LPCAT1: variants seen among roughly 807,000 people sequenced by gnomAD.
The protein encoded by LPCAT1 is lysophosphatidylcholine acyltransferase 1.
LPCAT1 carries 23 observed loss-of-function variants against 60.9 expected under a neutral mutation model. The ratio of observed to expected loss-of-function variants is 0.38; its 90% CI spans 0.27 to 0.53. LPCAT1 has a LOEUF of 0.53. Among genes scored for constraint, LPCAT1 ranks in the 20% least tolerant of loss-of-function variants. The probability of loss-of-function intolerance (pLI) is 0.82; values close to 1 mark genes in which losing one functional copy is unlikely to be tolerated. For missense variants in LPCAT1, 622 were observed against 723.6 expected (o/e 0.86, Z 1.61); for synonymous variants, 340 against 301.1 (o/e 1.13, Z -1.34).
At chr5:1,488,516 G>A (rs1735453890) in intron 4 of LPCAT1, 65 bp from the exon 5 acceptor site, 1 of 1,085,224 alleles carries the variant, frequency 9.2e-7, no homozygotes, top group Non-Finnish European at 1.4e-6. Flanking sequence ...AGAACTTACA[G>A]AAGCCAATCT....
At chr5:1,475,598 G>A (rs1051113234) in intron 9 of LPCAT1, among the ~76,000 whole-genome samples, 5 of 152,236 alleles carry the variant, frequency 3.3e-5, no homozygotes, top group Admixed American at 2.0e-4. Flanking sequence ...GCCACCCTGG[G>A]GTGCCACCAT....
intron 7 of LPCAT1, 98 bp from the exon 8 acceptor site, chr5:1,479,773 A>G: frequency 4.3e-6 from 4 of 930,910 alleles, no homozygotes; most frequent in Non-Finnish European, 6.8e-6. Flanking sequence ...CGCGCCCTCC[A>G]GAGGGCGCTA....
intron 1 of LPCAT1, among the ~76,000 whole-genome samples, chr5:1,506,144 C>T (rs1379481456): frequency 1.3e-5 from 2 of 152,180 alleles, no homozygotes; most frequent in Admixed American, 6.5e-5. Flanking sequence ...CCCCAGGCCT[C>T]CAGCAGATGG....
intron 2 of LPCAT1, among the ~76,000 whole-genome samples, chr5:1,499,490 T>G (rs1046945281): frequency 6.6e-6 from 1 of 152,264 alleles, no homozygotes; most frequent in Admixed American, 6.5e-5. Flanking sequence ...CTTGATTTAC[T>G]TTGCTTGGTT....
At chr5:1,511,486 T>C (rs1736355624) in intron 1 of LPCAT1, among the ~76,000 whole-genome samples, 1 of 148,518 alleles carries the variant, frequency 6.7e-6, no homozygotes, top group Admixed American at 6.7e-5. Context: ...TACTTGGGGA[T>C]GCACCTGCTC....
chr5:1,514,389 T>C (rs1473576445), intron 1 of LPCAT1, among the ~76,000 whole-genome samples: 3 of 152,212 alleles, frequency 2.0e-5, no homozygotes, highest in Admixed American at 6.5e-5. Flanking sequence ...AGCAGAGCCA[T>C]GCCAAACGCT....
At chr5:1,516,837 A>G (rs951909171) in intron 1 of LPCAT1, among the ~76,000 whole-genome samples, 1 of 152,186 alleles carries the variant, frequency 6.6e-6, no homozygotes, top group Non-Finnish European at 1.5e-5. Context: ...GCCACCAGTC[A>G]CAGCAGAGGA....
At chr5:1,482,428 G>A (rs1021775746) in intron 6 of LPCAT1, among the ~76,000 whole-genome samples, 1 of 94,368 alleles carries the variant, frequency 1.1e-5, no homozygotes, top group African/African-American at 4.6e-5. Context: ...GTGGGGCTGC[G>A]GCCAGGGGCA....
In LPCAT1 at chr5:1,496,499, G is replaced by A. The variant is rs1042158127; in HGVS notation, c.279-1585C>T. Among the ~76,000 whole-genome samples, 3 of 152,098 alleles carry A rather than the reference G, an allele frequency of 2.0e-5. No homozygotes were observed. The highest frequency in any genetic ancestry group is 7.2e-5 in the African/African-American group (3 of 41,414). On this transcript the variant is annotated intron_variant, in intron 2 of 13. Coordinates refer to ENST00000283415, the MANE Select transcript of LPCAT1 (RefSeq NM_024830.5). The surrounding 1 kb of genome is among the most constrained non-coding windows in gnomAD (Gnocchi z 4.7). ...ATGGAAGAAACAAGGCAGCGGCGGA[G>A]GGAGAAGCGAGGCTGCAGAGGAGGC... is the stretch of plus-strand genomic sequence containing the variant.
At chr5:1,511,013 A>G (rs1241166414) in intron 1 of LPCAT1, among the ~76,000 whole-genome samples, 2 of 152,164 alleles carry the variant, frequency 1.3e-5, no homozygotes, top group Non-Finnish European at 2.9e-5. Flanking sequence ...ATGGGGGAGC[A>G]CACCTTCCTC....
At chr5:1,497,384 C>T (rs1031599365) in intron 2 of LPCAT1, among the ~76,000 whole-genome samples, 1 of 152,094 alleles carries the variant, frequency 6.6e-6, no homozygotes, top group African/African-American at 2.4e-5. Context: ...AGGCGCAGGC[C>T]CCGGCTCTGC....
rs186123350 is a variant in LPCAT1 at position 1,470,955 on chromosome 5, C to T, written c.1180-31G>A. On this transcript the variant is annotated intron_variant, in intron 11 of 13. Transcript: ENST00000283415. ...GGGAGAGACGCTCTCAGCCACAGCT[C>T]GGCCGCCTTCGGCACTGGAGAAACG... 3.0e-5 allele frequency: 47 copies of T among 1,589,642 alleles called. No individual in the cohort carries two copies. The Admixed American group carries it at 7.2e-4, about 24-fold the overall frequency.
At chr5:1,508,125 G>A (rs892616952) in intron 1 of LPCAT1, among the ~76,000 whole-genome samples, 5 of 152,090 alleles carry the variant, frequency 3.3e-5, no homozygotes, top group East Asian at 1.9e-4. Flanking sequence ...TGAGAAGTCC[G>A]TGTCTGCTGT....
At position 1,487,934 on chromosome 5, in the gene LPCAT1, C is replaced by T. The variant is rs531947491; in HGVS notation, c.667+457G>A. Among the ~76,000 whole-genome samples, 2 of 152,096 alleles carry T rather than the reference C, an allele frequency of 1.3e-5. No individual in the cohort carries two copies. Among genetic ancestry groups the T allele is most frequent in the South Asian group, 2.1e-4 (1 of 4,804 alleles). ...GACCCAAGTTCACACGCATTTGAGT[C>T]CCCCCTCCCCAGGGAGAAAGAACAC... On this transcript the variant is annotated intron_variant, in intron 5 of 13. Transcript: ENST00000283415. The surrounding 1 kb of genome is among the most constrained non-coding windows in gnomAD (Gnocchi z 6.1).
intron 1 of LPCAT1, among the ~76,000 whole-genome samples, chr5:1,504,208 T>A (rs1482700420): frequency 1.3e-5 from 2 of 152,266 alleles, no homozygotes; most frequent in African/African-American, 4.8e-5. Flanking sequence ...ATCCCACAAG[T>A]CTAAGGGGCA....
chr5:1,521,329 G>A lies in LPCAT1; in HGVS notation c.135+2381C>T. ...CCTCCCAGGCGGCAAATGCTCACAGGTAAATGCAGGTACTCACTGGTTTAT... is the reference window on the plus strand; with the variant it reads ...CCTCCCAGGCGGCAAATGCTCACAGATAAATGCAGGTACTCACTGGTTTAT... On this transcript the variant is annotated intron_variant, in intron 1 of 13. Coordinates refer to ENST00000283415, the MANE Select transcript of LPCAT1 (RefSeq NM_024830.5). The surrounding 1 kb of genome is among the most constrained non-coding windows in gnomAD (Gnocchi z 4.3). The A allele has an allele frequency of 2.0e-6, 2 of 985,442 alleles. No homozygotes were observed. The highest frequency in any genetic ancestry group is 2.4e-6 in the Non-Finnish European group (2 of 829,942). The allele number at this position is 985,442 out of a possible 1,614,324, so 61.0% of individuals were successfully genotyped here.
intron 5 of LPCAT1, 81 bp downstream of exon 5, chr5:1,488,310 C>T: frequency 1.1e-6 from 1 of 880,210 alleles, no homozygotes; most frequent in East Asian, 2.4e-5. Flanking sequence ...TTCTTATGTG[C>T]ACAGCACATT....
intron 12 of LPCAT1, chr5:1,467,399 CGGGAGGGCT>C (rs1734463341): frequency 6.5e-6 from 1 of 152,842 alleles, no homozygotes; most frequent in Non-Finnish European, 1.5e-5. Flanking sequence ...CTGGGAGGGC[CGGGAGGGCT>C]CCAGCGGGGA....
chr5:1,465,432 C>A (rs796732445), intron 13 of LPCAT1, among the ~76,000 whole-genome samples: 38 of 146,920 alleles, frequency 2.6e-4, no homozygotes, highest in African/African-American at 8.9e-4. Flanking sequence ...CACACACACA[C>A]AAAACAAGCG....
Sources: gnomAD v4.1 joint callset for allele counts (sites outside exome capture counted in the v4.1 genomes callset) on GRCh38, gnomAD v4.1.1 for gene constraint, Gnocchi (gnomAD v3.1) non-coding constraint, MANE v1.5 for transcripts, NCBI Gene and HGNC (gene_info 2026-07-23, HGNC 2026-07-21) for gene names.